Variants in TANGO2 observed in about 807,000 individuals in gnomAD.
The protein encoded by TANGO2 is transport and golgi organization 2 homolog.
In TANGO2, 26 loss-of-function variants were observed where a neutral mutation model predicts 39.1. The observed-to-expected ratio is 0.67, with a 90% CI of 0.49 to 0.92. The LOEUF is 0.92. Ranked by LOEUF, TANGO2 falls within the 40% of genes least tolerant of loss-of-function variation. TANGO2 has a pLI of 0.00. For synonymous variants in TANGO2, 131 were observed against 144.5 expected, an observed-to-expected ratio of 0.91 and a Z score of 0.67; for missense variants, 326 against 360.1, an observed-to-expected ratio of 0.91 and a Z score of 0.77.
Position 20,041,336 on chromosome 22 carries a change from G to T in TANGO2, c.57-2019G>T, listed in dbSNP as rs368725129. The stretch of plus-strand genomic sequence containing the variant: ...AATTTTTTTTTTTTTTTTTTGAGAC[G>T]GAGTCTTGCTCTGTCACTCAGGCTG... On this transcript the variant is annotated intron_variant, in intron 2 of 8. Coordinates refer to ENST00000327374, the MANE Select transcript of TANGO2 (RefSeq NM_152906.7). Among the ~76,000 whole-genome samples the T allele has an allele frequency of 6.3e-5, 9 of 142,602 alleles. No homozygotes were observed. In the East Asian group the frequency reaches 1.6e-3, roughly 26 times the overall value. The allele number at this position is 142,602 out of a possible 152,430, so 93.6% of individuals were successfully genotyped here.
chr22:20,029,814 A>G (rs2041496853), intron 1 of TANGO2, among the ~76,000 whole-genome samples: 1 of 152,172 alleles, frequency 6.6e-6, no homozygotes, highest in Non-Finnish European at 1.5e-5. Flanking sequence ...TCCCCTGGGC[A>G]TTCACTCTAG....
At chr22:20,022,134 T>G (rs2039822449) in intron 1 of TANGO2, among the ~76,000 whole-genome samples, 1 of 152,238 alleles carries the variant, frequency 6.6e-6, no homozygotes, top group African/African-American at 2.4e-5. Context: ...CTCATTTGCC[T>G]CTGGGCAGCC....
chr22:20,040,300 C>G (rs541910465), intron 2 of TANGO2, among the ~76,000 whole-genome samples: 13 of 152,322 alleles, frequency 8.5e-5, no homozygotes, highest in Admixed American at 2.0e-4. Context: ...AGCTGAACAT[C>G]TTAGGACAAA....
chr22:20,056,304 C>T (rs1303584263), intron 6 of TANGO2: 1 of 625,130 alleles, frequency 1.6e-6, no homozygotes, highest in Admixed American at 2.1e-5. Flanking sequence ...AGCCTCACTT[C>T]CTGTGCCGTC....
intron 1 of TANGO2, among the ~76,000 whole-genome samples, chr22:20,025,040 A>G (rs1025018964): frequency 1.3e-5 from 2 of 151,654 alleles, no homozygotes; most frequent in Non-Finnish European, 2.9e-5. Context: ...GAAGGAGGGC[A>G]GGATCTGTAC....
chr22:20,019,535 C>T (rs1365300095), upstream of TANGO2, among the ~76,000 whole-genome samples: 3 of 152,188 alleles, frequency 2.0e-5, no homozygotes, highest in South Asian at 4.1e-4. Flanking sequence ...TGGGGATGGC[C>T]CAAGGCCACA....
chr22:20,031,870 G>A (rs549564666), intron 1 of TANGO2, among the ~76,000 whole-genome samples: 52 of 152,332 alleles, frequency 3.4e-4, no homozygotes, highest in African/African-American at 1.2e-3. Flanking sequence ...CTCTCTCAGG[G>A]GCTGCCAGGC....
Position 20,030,850 on chromosome 22 carries a change from C to T in TANGO2, c.-39-5910C>T, listed in dbSNP as rs1055311056. Among the ~76,000 whole-genome samples the T allele has an allele frequency of 9.9e-5, 15 of 152,272 alleles. 1 individual carries two copies. The highest frequency in any genetic ancestry group is 9.8e-4 in the Admixed American group (15 of 15,298). On this transcript the variant is annotated intron_variant, in intron 1 of 8. Transcript: ENST00000327374. ...CCTGAGGTGGAAAGATCACTTCAGCCCATGAGTTTGAGAATAGCCTGGGCA... is the reference window on the plus strand; with the variant it reads ...CCTGAGGTGGAAAGATCACTTCAGCTCATGAGTTTGAGAATAGCCTGGGCA...
At chr22:20,026,941 C>T (rs773827878) in intron 1 of TANGO2, among the ~76,000 whole-genome samples, 1 of 152,194 alleles carries the variant, frequency 6.6e-6, no homozygotes, top group Non-Finnish European at 1.5e-5. Context: ...CTCAGCTGCT[C>T]TCCCACTGTT....
upstream of TANGO2, chr22:20,019,238 G>C (rs551056760): frequency 1.3e-5 from 2 of 152,222 alleles, no homozygotes; most frequent in Non-Finnish European, 2.9e-5. Flanking sequence ...AATGCTTTCA[G>C]CTGGGTGTCA....
rs1601974900 is a variant in TANGO2, at chr22:20,036,789, C to A, written c.-10C>A. 6.2e-7 allele frequency: 1 copy of A among 1,614,274 alleles called. No homozygotes were observed. Among genetic ancestry groups the A allele is most frequent in the East Asian group, 2.2e-5 (1 of 44,896 alleles). ...CGCGACCTGTGTCAGCAGAGCCGCC[C>A]TGCACCACCATGTGCATCATCTTCT... On this transcript the variant is annotated 5_prime_UTR_variant, in exon 2 of 9. The change creates a new upstream start codon in the 5' untranslated region. Coordinates refer to ENST00000327374, the MANE Select transcript of TANGO2 (RefSeq NM_152906.7).
intron 1 of TANGO2, among the ~76,000 whole-genome samples, chr22:20,021,474 G>A (rs2039659709): frequency 6.6e-6 from 1 of 152,206 alleles, no homozygotes; most frequent in Non-Finnish European, 1.5e-5. Context: ...GCAGGGTTGG[G>A]AGCTGCGTGG....
At chr22:20,046,772 A>G (rs2045300280) in intron 3 of TANGO2, among the ~76,000 whole-genome samples, 1 of 152,012 alleles carries the variant, frequency 6.6e-6, no homozygotes, top group South Asian at 2.1e-4. Context: ...TACATTGGGT[A>G]TTTCTCCTAA....
At chr22:20,049,979 C>A (rs919839916) in intron 3 of TANGO2, among the ~76,000 whole-genome samples, 4 of 152,062 alleles carry the variant, frequency 2.6e-5, no homozygotes, top group Non-Finnish European at 1.5e-5. Context: ...AAGGCCGAGG[C>A]GGGCCGATCA....
intron 1 of TANGO2, among the ~76,000 whole-genome samples, chr22:20,031,120 C>T (rs984189261): frequency 6.6e-5 from 10 of 152,016 alleles, no homozygotes; most frequent in Admixed American, 6.6e-4. Context: ...ATCGCTTGAA[C>T]CAGGGAGGAG....
intron 2 of TANGO2, among the ~76,000 whole-genome samples, chr22:20,038,005 C>T (rs1165118601): frequency 1.3e-5 from 2 of 152,084 alleles, no homozygotes; most frequent in African/African-American, 2.4e-5. Flanking sequence ...AAGAGAATGG[C>T]GTGAACCTGG....
chr22:20,031,197 C>CA (rs34301152), intron 1 of TANGO2, among the ~76,000 whole-genome samples: 65,065 of 145,416 alleles, frequency 0.45, 15,211 homozygotes, highest in South Asian at 0.58. Context: ...GACTCTGTCT[C>CA]AAAAAAAAAA....
intron 3 of TANGO2, among the ~76,000 whole-genome samples, chr22:20,044,360 A>G (rs1014487746): frequency 2.6e-5 from 4 of 151,336 alleles, no homozygotes; most frequent in African/African-American, 7.3e-5. Context: ...CTGTCTCTAC[A>G]AAAAAAAATA....
intron 7 of TANGO2, chr22:20,062,991 C>T (rs573515126): frequency 4.1e-5 from 10 of 246,216 alleles, no homozygotes; most frequent in Non-Finnish European, 7.8e-5. Context: ...GGGTGGTGCA[C>T]GCCTGTAATC....
Sources: gnomAD v4.1 joint callset for allele counts (sites outside exome capture counted in the v4.1 genomes callset) on GRCh38, gnomAD v4.1.1 for gene constraint, MANE v1.5 for transcripts, NCBI Gene and HGNC (gene_info 2026-07-23, HGNC 2026-07-21) for gene names.